Variants in DCC observed in about 807,000 individuals in gnomAD.
The protein encoded by DCC is netrin receptor DCC.
Under a neutral mutation model 172.5 loss-of-function variants are expected in DCC, and 58 were observed. The ratio of observed to expected loss-of-function variants is 0.34; its 90% CI spans 0.27 to 0.42. The LOEUF (loss-of-function observed/expected upper bound fraction) is 0.42, where lower values mean the gene tolerates loss of function less well. DCC is among the 10% of genes least tolerant of loss of function. DCC has a pLI of 1.00. For missense variants in DCC, 1,740 were observed against 1,791.0 expected (o/e 0.97, Z 0.51); for synonymous variants, 709 against 644.5 (o/e 1.10, Z -1.52).
At chr18:53,514,075 A>C (rs960187249) in intron 27 of DCC, among the ~76,000 whole-genome samples, 4 of 152,214 alleles carry the variant, frequency 2.6e-5, no homozygotes, top group African/African-American at 9.6e-5. Flanking sequence ...TCTCCTCAGC[A>C]AATGTAAAAG....
chr18:53,073,920 A>G (rs180892399), intron 7 of DCC, among the ~76,000 whole-genome samples: 10 of 151,270 alleles, frequency 6.6e-5, no homozygotes, highest in Non-Finnish European at 1.3e-4. Flanking sequence ...TAATATAATT[A>G]CATTATAATT....
At chr18:52,828,917 G>GA (rs1208452981) in intron 2 of DCC, among the ~76,000 whole-genome samples, 4 of 152,138 alleles carry the variant, frequency 2.6e-5, no homozygotes, top group Non-Finnish European at 5.9e-5. Context: ...TTTAATCATG[G>GA]AAAGTTTTAA....
chr18:53,439,116 G>A (rs1340837922), intron 22 of DCC, among the ~76,000 whole-genome samples: 2 of 152,204 alleles, frequency 1.3e-5, no homozygotes, highest in African/African-American at 2.4e-5. Context: ...GAGAGCCAGG[G>A]ATGGTAGAGG....
intron 14 of DCC, among the ~76,000 whole-genome samples, chr18:53,324,780 T>C (rs2057449250): frequency 6.6e-6 from 1 of 152,198 alleles, no homozygotes; most frequent in Admixed American, 6.5e-5. Flanking sequence ...TTTTAACTTA[T>C]TTACCTAAGA....
intron 15 of DCC, among the ~76,000 whole-genome samples, chr18:53,361,824 A>G (rs1324796467): frequency 8.7e-6 from 1 of 114,680 alleles, no homozygotes; most frequent in Admixed American, 7.9e-5. Flanking sequence ...CAAAGAAATT[A>G]TGTATTTTTT....
chr18:52,589,367 G>A (rs2033747610), intron 1 of DCC, among the ~76,000 whole-genome samples: 1 of 152,188 alleles, frequency 6.6e-6, no homozygotes, highest in Non-Finnish European at 1.5e-5. Context: ...TGAATGTAGT[G>A]TTCTATGACA....
chr18:53,479,125 A>C (rs2045802053), intron 25 of DCC, among the ~76,000 whole-genome samples: 1 of 152,228 alleles, frequency 6.6e-6, no homozygotes, highest in South Asian at 2.1e-4. Context: ...ACCCATTTTC[A>C]ACTATTCAGA....
At position 52,958,778 on chromosome 18, in the gene DCC, G is replaced by A. The variant is rs182957354; in HGVS notation, c.985+33408G>A. Among the ~76,000 whole-genome samples the A allele has an allele frequency of 9.2e-5, 14 of 152,194 alleles. No homozygotes were observed. The East Asian group carries it at 2.1e-3, about 23-fold the overall frequency. On this transcript the variant is annotated intron_variant, in intron 5 of 28. Transcript: ENST00000442544. ...ATTGAAGGAGGAGAGACATGTTGTC[G>A]GGAGGGGTCAGGAATGAGTTCATTT... is the stretch of plus-strand genomic sequence containing the variant.
intron 2 of DCC, among the ~76,000 whole-genome samples, chr18:52,755,862 C>G (rs544120544): frequency 6.6e-6 from 1 of 152,252 alleles, no homozygotes; most frequent in South Asian, 2.1e-4. Context: ...TTTAATCAGT[C>G]AGCACATTTT....
In DCC at chr18:53,386,136, C is replaced by A. The variant is rs897910498; in HGVS notation, c.2453C>A (p.Thr818Asn). 5 of 1,589,466 alleles carry A rather than the reference C, an allele frequency of 3.1e-6. No homozygotes were observed. Among genetic ancestry groups the A allele is most frequent in the Non-Finnish European group, 4.3e-6 (5 of 1,157,754 alleles). The change falls in exon 16 of 29, where the codon ACC becomes AAC. Residue 818 changes from threonine (T) to asparagine (N), a missense_variant and splice_region_variant. Physicochemically the swap from Thr to Asn is moderately conservative, Grantham distance 65. Around this residue, in one of 2 missense-constraint regions of DCC, gnomAD observed 1,732 missense variants for 1,767.4 expected, o/e 0.98. Coordinates refer to ENST00000442544, the MANE Select transcript of DCC (RefSeq NM_005215.4). ...GAAAGTGCCACCACCAGGTCTATAA[C>A]CGGTAAGTGAAATTGTTAATCTTCC... ...LYESATTRSI[T>N]DPTDPVDYYP... is the part of the protein sequence containing the mutation.
At chr18:52,742,580 G>A (rs2036839834) in intron 1 of DCC, among the ~76,000 whole-genome samples, 1 of 152,134 alleles carries the variant, frequency 6.6e-6, no homozygotes, top group African/African-American at 2.4e-5. Context: ...CCACTGCTAA[G>A]CATTACAGTA....
chr18:52,919,526 A>G (rs1350301129), intron 3 of DCC, among the ~76,000 whole-genome samples: 1 of 152,174 alleles, frequency 6.6e-6, no homozygotes. Flanking sequence ...TACAAATTCC[A>G]ATGCCTATGA....
chr18:52,968,853 T>TA (rs201244002), intron 5 of DCC, among the ~76,000 whole-genome samples: 1,849 of 152,300 alleles, frequency 0.012, 27 homozygotes, highest in African/African-American at 0.041. Context: ...TGTGATATAC[T>TA]AAAAAATATT....
chr18:53,333,431 A>G (rs1262865592), intron 14 of DCC, among the ~76,000 whole-genome samples: 1 of 152,218 alleles, frequency 6.6e-6, no homozygotes, highest in Non-Finnish European at 1.5e-5. Context: ...ATGTGTGAAT[A>G]TTTGTCAAAA....
chr18:52,658,892 T>C (rs1016900624), intron 1 of DCC, among the ~76,000 whole-genome samples: 2 of 147,194 alleles, frequency 1.4e-5, no homozygotes, highest in African/African-American at 5.0e-5. Flanking sequence ...AAAATGTTTT[T>C]ACCTTTGATC....
chr18:53,462,119 C>T (rs556870497), intron 24 of DCC, among the ~76,000 whole-genome samples: 1 of 152,238 alleles, frequency 6.6e-6, no homozygotes, highest in South Asian at 2.1e-4. Flanking sequence ...GACACGTGGG[C>T]TAACCTCTAT....
At chr18:53,268,455 T>G (rs2056708102) in intron 12 of DCC, among the ~76,000 whole-genome samples, 1 of 152,128 alleles carries the variant, frequency 6.6e-6, no homozygotes, top group Non-Finnish European at 1.5e-5. Flanking sequence ...TAAGAAATAT[T>G]TTTTCTTCCT....
chr18:52,857,136 T>A (rs571287181), intron 2 of DCC, among the ~76,000 whole-genome samples: 2 of 152,334 alleles, frequency 1.3e-5, no homozygotes, highest in African/African-American at 2.4e-5. Context: ...AAAAATAATA[T>A]CATGTATATT....
At chr18:53,410,667 T>C (rs748670462) in intron 20 of DCC, 21 bp downstream of exon 20, 7 of 1,413,342 alleles carry the variant, frequency 5.0e-6, no homozygotes, top group African/African-American at 2.8e-5. Context: ...TTTCCTATTA[T>C]GCTTTTCTTT....
Sources: gnomAD v4.1 joint callset for allele counts (sites outside exome capture counted in the v4.1 genomes callset) on GRCh38, gnomAD v4.1.1 for gene constraint, gnomAD v4.1.1 regional missense constraint, MANE v1.5 for transcripts, NCBI Gene and HGNC (gene_info 2026-07-23, HGNC 2026-07-21) for gene names.